Variants in ARHGAP36 observed in about 807,000 individuals in gnomAD.
ARHGAP36 encodes Rho GTPase activating protein 36, also known as rho GTPase-activating protein 36.
A neutral mutation model predicts 32.9 loss-of-function variants in ARHGAP36; 7 were observed. That is an observed-to-expected ratio of 0.21 (90% CI 0.12 to 0.40). The LOEUF is 0.40. Among genes scored for constraint, ARHGAP36 ranks in the 10% least tolerant of loss-of-function variants. ARHGAP36 has a pLI of 1.00. For synonymous variants in ARHGAP36, 165 were observed against 168.3 expected, an observed-to-expected ratio of 0.98 and a Z score of 0.15; for missense variants, 383 against 442.2, an observed-to-expected ratio of 0.87 and a Z score of 1.20.
Position 131,083,899 on chromosome X carries a change from T to C in ARHGAP36, c.485T>C (p.Ile162Thr). The change falls in exon 4 of 12, where the codon ATC becomes ACC. Residue 162 changes from isoleucine (I) to threonine (T), a missense_variant. Ile to Thr is a moderately conservative substitution (Grantham distance 89). Transcript: ENST00000276211. ...GTGGTGCGAAGGGTGTTTGGCCGCA[T>C]CCGGCGCTTTTTCAGTCGCAGGCGG... ...GNVVRRVFGR[I>T]RRFFSRRRNE... is the part of the protein sequence containing the mutation. 8.3e-7 allele frequency: 1 copy of C among 1,212,075 alleles called. No homozygotes were observed. The highest frequency in any genetic ancestry group is 1.1e-6 in the Non-Finnish European group (1 of 895,633).
intron 3 of ARHGAP36, 37 bp downstream of exon 3, chrX:131,083,267 A>G (rs2079814989): frequency 1.7e-6 from 2 of 1,166,778 alleles, no homozygotes; most frequent in African/African-American, 3.6e-5. Flanking sequence ...GAAAAGAAAT[A>G]GAATGCTAAC....
chrX:131,077,601 C>T (rs2079769436), intron 1 of ARHGAP36, among the ~76,000 whole-genome samples: 1 of 109,767 alleles, frequency 9.1e-6, no homozygotes, highest in Non-Finnish European at 1.9e-5. Context: ...CATCTGTGTG[C>T]CATGCATTTT....
At chrX:131,060,077 A>G (rs1041167569) in intron 1 of ARHGAP36, among the ~76,000 whole-genome samples, 3 of 111,647 alleles carry the variant, frequency 2.7e-5, no homozygotes, top group Non-Finnish European at 5.7e-5. Flanking sequence ...TTCCTAGGAA[A>G]CAGTGTCAGC....
intron 1 of ARHGAP36, among the ~76,000 whole-genome samples, chrX:131,066,665 G>C (rs2079700494): frequency 8.9e-6 from 1 of 111,944 alleles, no homozygotes. Flanking sequence ...GGAATCAGGG[G>C]ACTCTTAGTA....
At chrX:131,068,790 G>A (rs2079716242) in intron 1 of ARHGAP36, among the ~76,000 whole-genome samples, 1 of 109,561 alleles carries the variant, frequency 9.1e-6, no homozygotes, top group Non-Finnish European at 1.9e-5. Flanking sequence ...TGCGAAGCCT[G>A]TTCTAATCTA....
In ARHGAP36 at chrX:131,086,842, G is replaced by A. The variant is rs2079838221; in HGVS notation, c.1486+177G>A. Among the ~76,000 whole-genome samples the A allele has an allele frequency of 3.6e-5, 4 of 111,934 alleles. No individual in the cohort carries two copies. The South Asian group carries it at 1.5e-3, about 43-fold the overall frequency. On this transcript the variant is annotated intron_variant, in intron 11 of 11. Coordinates refer to ENST00000276211, the MANE Select transcript of ARHGAP36 (RefSeq NM_144967.4). ...TAATCAAGGAGTAGTCTTTGGGGAAGCTCAAGGTCTAGAAATCCCAAATAA... is the reference window on the plus strand; with the variant it reads ...TAATCAAGGAGTAGTCTTTGGGGAAACTCAAGGTCTAGAAATCCCAAATAA...
chrX:131,083,867 G>A lies in ARHGAP36; in HGVS notation c.453G>A (p.Arg151=). The A allele has an allele frequency of 1.6e-6, 2 of 1,212,346 alleles. No homozygotes were observed. Among genetic ancestry groups the A allele is most frequent in the Non-Finnish European group, 2.2e-6 (2 of 895,662 alleles). Residue 151 remains arginine, a synonymous_variant, in exon 4 of 12, where the codon CGG becomes CGA. Transcript: ENST00000276211. ...CCGGTCAGGCTGCGGGCCGTCGTCG[G>A]GGAAACGTGGTGCGAAGGGTGTTTG... ...EATGQAAGRR[R]GNVVRRVFGR...
chrX:131,069,719 C>T (rs1489493583), intron 1 of ARHGAP36, among the ~76,000 whole-genome samples: 2 of 111,759 alleles, frequency 1.8e-5, no homozygotes, highest in African/African-American at 6.5e-5. Context: ...ATGCCATTCA[C>T]TGGCCACAAG....
chrX:131,067,887 C>T (rs2079708476), intron 1 of ARHGAP36, among the ~76,000 whole-genome samples: 1 of 111,686 alleles, frequency 9.0e-6, no homozygotes, highest in Non-Finnish European at 1.9e-5. Context: ...CCTGTAAACC[C>T]ACATTGACAC....
intron 1 of ARHGAP36, among the ~76,000 whole-genome samples, chrX:131,078,125 G>T (rs930177374): frequency 1.8e-5 from 2 of 110,463 alleles, no homozygotes; most frequent in African/African-American, 6.6e-5. Context: ...GTAAACTCCA[G>T]CCCTCTGCAA....
Position 131,089,849 on chromosome X carries a change from A to C in ARHGAP36, c.*1064A>C, listed in dbSNP as rs1330517410. 8.9e-6 allele frequency: 1 copy of C among 112,556 alleles called. No homozygotes were observed. The highest frequency in any genetic ancestry group is 3.2e-5 in the African/African-American group (1 of 30,830). 9.3% of individuals were successfully genotyped at this position (112,556 alleles called of 1,213,427 possible). ...GATTGTTAAAACTTCTCTGGCATTT[A>C]ATCATTAATAAACATCTGTATTGTG... On this transcript the variant is annotated 3_prime_UTR_variant, in exon 12 of 12. Transcript: ENST00000276211.
At chrX:131,083,572 G>T in intron 3 of ARHGAP36, 162 bp from the exon 4 acceptor site, 1 of 537,685 alleles carries the variant, frequency 1.9e-6, no homozygotes, top group Non-Finnish European at 3.1e-6. Flanking sequence ...AAACCACTGC[G>T]GGGTCTTTTT....
intron 1 of ARHGAP36, among the ~76,000 whole-genome samples, chrX:131,064,637 C>T (rs182242196): frequency 2.1e-4 from 23 of 111,714 alleles, no homozygotes; most frequent in African/African-American, 7.2e-4. Flanking sequence ...AACTGAGGCT[C>T]AGAGAGGTGA....
At position 131,088,765 on chromosome X, in the gene ARHGAP36, G is replaced by A. The variant is rs763228565; in HGVS notation, c.1624G>A (p.Val542Ile). 3.5e-5 allele frequency: 42 copies of A among 1,207,608 alleles called. No individual in the cohort carries two copies. The highest frequency in any genetic ancestry group is 8.8e-5 in the Admixed American group (4 of 45,317). The change falls in exon 12 of 12, where the codon GTC (valine) becomes ATC (isoleucine). Residue 542 changes from valine to isoleucine, a missense_variant. Coordinates refer to ENST00000276211, the MANE Select transcript of ARHGAP36 (RefSeq NM_144967.4). The stretch of plus-strand genomic sequence containing the variant: ...CCGGGAGAAGGAGGCCAAAACTGGC[G>A]TCAGCTACTTCTTTCCTTAGATGTT... ...VPREKEAKTG[V>I]SYFFP
At chrX:131,060,346 C>T (rs762918893) in intron 1 of ARHGAP36, among the ~76,000 whole-genome samples, 29 of 111,704 alleles carry the variant, frequency 2.6e-4, no homozygotes, top group Non-Finnish European at 3.0e-4. Context: ...TACACACATA[C>T]GTAGTCATAA....
intron 1 of ARHGAP36, chrX:131,072,962 G>C (rs2079740522): frequency 8.9e-6 from 1 of 111,933 alleles, no homozygotes; most frequent in South Asian, 3.7e-4. Context: ...CCGGACTGTC[G>C]AGCAGGTCAC....
intron 2 of ARHGAP36, among the ~76,000 whole-genome samples, chrX:131,082,175 A>G (rs2079804714): frequency 8.9e-6 from 1 of 112,382 alleles, no homozygotes; most frequent in African/African-American, 3.2e-5. Flanking sequence ...GGCAGATGTC[A>G]GGGACAGACA....
At chrX:131,078,814 C>T (rs901502892) in intron 1 of ARHGAP36, 5 of 864,830 alleles carry the variant, frequency 5.8e-6, no homozygotes, top group Non-Finnish European at 7.7e-6. Context: ...TAAGTTTAGC[C>T]CTGTGTGCTG....
rs2148642908 is a variant in ARHGAP36 at position 131,084,351 on chromosome X, T to C, written c.692T>C (p.Ile231Thr). 8.3e-7 allele frequency: 1 copy of C among 1,210,710 alleles called. No homozygotes were observed. Among genetic ancestry groups the C allele is most frequent in the Non-Finnish European group, 1.1e-6 (1 of 895,260 alleles). The change falls in exon 5 of 12, where the codon ATT becomes ACT. Residue 231 changes from isoleucine to threonine, a missense_variant. By Grantham distance (89) the Ile-to-Thr change is moderately conservative (BLOSUM62 -1). Transcript: ENST00000276211. ...AAAAGGAAGATGAGTCTCAATCCGA[T>C]TGCGAAACAAATCCCCCAGGTTGTT... ...GSKRKMSLNPIAKQIPQVVEA... is the reference protein window; with the variant it reads ...GSKRKMSLNPTAKQIPQVVEA...
Sources: gnomAD v4.1 joint callset for allele counts (sites outside exome capture counted in the v4.1 genomes callset) on GRCh38, gnomAD v4.1.1 for gene constraint, MANE v1.5 for transcripts, NCBI Gene and HGNC (gene_info 2026-07-23, HGNC 2026-07-21) for gene names.